The following PRTG variants were observed in gnomAD, a reference collection of about 807,000 sequenced individuals.
PRTG encodes the protein immunoglobulin superfamily, DCC subclass, member 5.
In PRTG, 67 loss-of-function variants were observed where a neutral mutation model predicts 122.5. That is an observed-to-expected ratio of 0.55 (90% confidence interval 0.45 to 0.67). The LOEUF (loss-of-function observed/expected upper bound fraction) is 0.67, where lower values mean the gene tolerates loss of function less well. PRTG is among the 30% of genes least tolerant of loss of function. The pLI, the probability that PRTG is intolerant of heterozygous loss-of-function variation, is 0.00. For missense variants in PRTG, 1,435 were observed against 1,415.4 expected, an observed-to-expected ratio of 1.01 and a Z score of -0.22; for synonymous variants, 554 against 501.1, an observed-to-expected ratio of 1.11 and a Z score of -1.41.
chr15:55,677,735 A>C, intron 8 of PRTG, 62 bp downstream of exon 8: 1 of 1,521,106 alleles, frequency 6.6e-7, no homozygotes, highest in Non-Finnish European at 9.0e-7. Context: ...CATTATTCGT[A>C]CTGAAAACAA....
At chr15:55,674,323 C>T (rs2059490232) in intron 9 of PRTG, among the ~76,000 whole-genome samples, 1 of 152,126 alleles carries the variant, frequency 6.6e-6, no homozygotes, top group African/African-American at 2.4e-5. Context: ...ACCTCTCTTA[C>T]CTAGGTTTCT....
intron 11 of PRTG, among the ~76,000 whole-genome samples, chr15:55,664,148 G>A (rs1051796223): frequency 2.6e-5 from 4 of 151,770 alleles, no homozygotes; most frequent in Non-Finnish European, 5.9e-5. Context: ...AGGTGTTTTT[G>A]TTTTTGTTTT....
chr15:55,633,179 T>C (rs2059237203), intron 15 of PRTG, among the ~76,000 whole-genome samples: 1 of 152,184 alleles, frequency 6.6e-6, no homozygotes, highest in African/African-American at 2.4e-5. Flanking sequence ...GCTTTTTAGA[T>C]TTAAAAAGAA....
At chr15:55,634,588 C>T (rs1333334938) in intron 15 of PRTG, among the ~76,000 whole-genome samples, 10 of 152,012 alleles carry the variant, frequency 6.6e-5, no homozygotes, top group Admixed American at 6.5e-4. Flanking sequence ...TGCCTGTAAT[C>T]CTAGCACTTT....
chr15:55,738,124 G>A, intron 2 of PRTG: 1 of 134,246 alleles, frequency 7.4e-6, no homozygotes, highest in Non-Finnish European at 1.6e-5. Context: ...AGGGATTTGA[G>A]CCTCCATCAT....
intron 2 of PRTG, among the ~76,000 whole-genome samples, chr15:55,696,222 C>T (rs1457792930): frequency 4.6e-5 from 7 of 152,086 alleles, no homozygotes; most frequent in Non-Finnish European, 1.0e-4. Context: ...CATTATCATG[C>T]CACTGCACTC....
intron 2 of PRTG, among the ~76,000 whole-genome samples, chr15:55,725,593 CAA>C (rs757960009): frequency 3.3e-5 from 4 of 119,850 alleles, no homozygotes; most frequent in Non-Finnish European, 5.3e-5. Context: ...GACCCTGTCT[CAA>C]AAAAAAAAAA....
Position 55,634,063 on chromosome 15 carries a change from C to CTTT in PRTG, c.2623+3104_2623+3106dup, listed in dbSNP as rs10711487. 7.3e-3 allele frequency among the ~76,000 whole-genome samples: 541 copies of CTTT among 73,816 alleles called. 20 individuals are homozygous for CTTT. The highest frequency in any genetic ancestry group is 0.017 in the African/African-American group (389 of 22,296). The allele number at this position is 73,816 out of a possible 152,430, so 48.4% of individuals were successfully genotyped here. On this transcript the variant is annotated intron_variant, in intron 15 of 19. Transcript: ENST00000389286. ...AGGAGCCAGAACAAAATATACATTG[C>CTTT]TTTTTTTTTTTTTTTTTTTTTGAGA...
At chr15:55,649,349 C>A (rs1452370275) in intron 11 of PRTG, among the ~76,000 whole-genome samples, 1 of 152,094 alleles carries the variant, frequency 6.6e-6, no homozygotes, top group Non-Finnish European at 1.5e-5. Context: ...ACCTTGGTTA[C>A]AATCACCTGT....
At chr15:55,724,387 G>A (rs1191264335) in intron 2 of PRTG, among the ~76,000 whole-genome samples, 4 of 152,006 alleles carry the variant, frequency 2.6e-5, no homozygotes, top group East Asian at 1.9e-4. Context: ...TATATATTAC[G>A]TTTTTTGATT....
chr15:55,738,906 G>C (rs1271846951), intron 2 of PRTG, among the ~76,000 whole-genome samples: 2 of 138,118 alleles, frequency 1.4e-5, no homozygotes, highest in Non-Finnish European at 3.1e-5. Context: ...GAAGGGGGAA[G>C]GGAAGGGGGA....
chr15:55,674,322 A>G (rs1163536261), intron 9 of PRTG, among the ~76,000 whole-genome samples: 1 of 152,110 alleles, frequency 6.6e-6, no homozygotes, highest in Non-Finnish European at 1.5e-5. Context: ...AACCTCTCTT[A>G]CCTAGGTTTC....
chr15:55,714,413 T>C (rs761107123), intron 2 of PRTG, among the ~76,000 whole-genome samples: 1 of 150,976 alleles, frequency 6.6e-6, no homozygotes, highest in Non-Finnish European at 1.5e-5. Flanking sequence ...ACATTTTTTG[T>C]AGACAGGAGG....
At chr15:55,621,586 G>A (rs1281211956) in intron 18 of PRTG, among the ~76,000 whole-genome samples, 1 of 138,422 alleles carries the variant, frequency 7.2e-6, no homozygotes, top group Non-Finnish European at 1.6e-5. Flanking sequence ...GTGAACCCGG[G>A]GCCGAGATCG....
Position 55,617,875 on chromosome 15 carries a change from G to A in PRTG, c.*2137C>T, listed in dbSNP as rs1395555924. ...CTCACTGTACTTAATTTTAGATACTGATAAAAGTTGGCCCTATATACTTCT... is the reference window on the plus strand; with the variant it reads ...CTCACTGTACTTAATTTTAGATACTAATAAAAGTTGGCCCTATATACTTCT... On this transcript the variant is annotated 3_prime_UTR_variant, in exon 20 of 20. Transcript: ENST00000389286. The A allele has an allele frequency of 6.6e-6, 1 of 152,116 alleles. No individual in the cohort carries two copies. The highest frequency in any genetic ancestry group is 2.4e-5 in the African/African-American group (1 of 41,434). The allele number at this position is 152,116 out of a possible 1,614,324, so 9.4% of individuals were successfully genotyped here.
At chr15:55,626,141 C>G (rs147750909) in intron 17 of PRTG, among the ~76,000 whole-genome samples, 1 of 152,094 alleles carries the variant, frequency 6.6e-6, no homozygotes, top group Admixed American at 6.6e-5. Context: ...CTAGGCCGGG[C>G]GCGGTGGCTC....
At chr15:55,658,314 T>G (rs1003346385) in intron 11 of PRTG, among the ~76,000 whole-genome samples, 6 of 151,654 alleles carry the variant, frequency 4.0e-5, no homozygotes, top group African/African-American at 1.4e-4. Flanking sequence ...ATTATTGTTT[T>G]TATTTTTTTT....
At position 55,617,371 on chromosome 15, in the gene PRTG, T is replaced by C. The variant is rs1417474510; in HGVS notation, c.*2641A>G. 1 of 152,124 alleles carries C rather than the reference T, an allele frequency of 6.6e-6. No individual in the cohort carries two copies. 9.4% of individuals were successfully genotyped at this position (152,124 alleles called of 1,614,324 possible). ...CTGGTAAAGAAAGTATTACAACTTA[T>C]TTTAAATGCTCTGGTAACAATAAGG... On this transcript the variant is annotated 3_prime_UTR_variant, in exon 20 of 20. Transcript: ENST00000389286.
chr15:55,709,674 T>C (rs958778134), intron 2 of PRTG, among the ~76,000 whole-genome samples: 1 of 152,180 alleles, frequency 6.6e-6, no homozygotes, highest in Non-Finnish European at 1.5e-5. Flanking sequence ...ATCAGTGGTA[T>C]ATCCATTCAA....
Sources: allele counts gnomAD v4.1 joint callset (sites outside exome capture counted in the v4.1 genomes callset), GRCh38; gene constraint gnomAD v4.1.1; transcripts MANE v1.5; gene names NCBI Gene and HGNC (gene_info 2026-07-23, HGNC 2026-07-21).